ATAD5: variants seen among roughly 807,000 people sequenced by gnomAD.
The protein encoded by ATAD5 is ATPase family AAA domain containing 5.
In ATAD5, 58 loss-of-function variants were observed where a neutral mutation model predicts 176.9. The observed-to-expected ratio is 0.33, with a 90% CI of 0.27 to 0.41. ATAD5 has a LOEUF of 0.41. ATAD5 is among the 10% of genes least tolerant of loss of function. The probability of loss-of-function intolerance (pLI) is 1.00; values close to 1 mark genes in which losing one functional copy is unlikely to be tolerated. For missense variants in ATAD5, 1,789 were observed against 2,094.1 expected (o/e 0.85, Z 2.84); for synonymous variants, 640 against 712.6 (o/e 0.90, Z 1.62).
In ATAD5 at chr17:30,855,305, A is replaced by G. The variant is rs758023760; in HGVS notation, c.2613A>G (p.Val871=). The G allele has an allele frequency of 6.3e-7, 1 of 1,592,274 alleles. No homozygotes were observed. The highest frequency in any genetic ancestry group is 2.2e-5 in the East Asian group (1 of 44,636). ...NAVSTSFQRV[V]HVQQKDDGCC... is the part of the protein sequence containing the mutation. ...TGAGTACCAGTTTCCAGAGAGTCGTACATGTGCAACAAAAGGATGATGGTA... is the reference window on the plus strand; with the variant it reads ...TGAGTACCAGTTTCCAGAGAGTCGTGCATGTGCAACAAAAGGATGATGGTA... Residue 871 remains valine (V), a synonymous_variant, in exon 7 of 23, where the codon GTA becomes GTG. Transcript: ENST00000321990.
Position 30,835,588 on chromosome 17 carries a change from A to G in ATAD5, c.1507A>G (p.Lys503Glu). The change falls in exon 2 of 23, where the codon AAA becomes GAA. Residue 503 changes from lysine to glutamate, a missense_variant. Around this residue, in one of 6 missense-constraint regions of ATAD5, gnomAD observed 696 missense variants for 712.5 expected, o/e 0.98. Coordinates refer to ENST00000321990, the MANE Select transcript of ATAD5 (RefSeq NM_024857.5). The stretch of plus-strand genomic sequence containing the variant: ...AAACAGAGAGGGAAACACTCAAAAG[A>G]AAGAAACAACCTTTTTCTTAAAAGA... ...GKNREGNTQKKETTFFLKEKQ... is the reference protein window; with the variant it reads ...GKNREGNTQKEETTFFLKEKQ... 1 of 1,612,144 alleles carries G rather than the reference A, an allele frequency of 6.2e-7. No homozygotes were observed. Among genetic ancestry groups the G allele is most frequent in the Non-Finnish European group, 8.5e-7 (1 of 1,178,828 alleles).
intron 14 of ATAD5, among the ~76,000 whole-genome samples, chr17:30,870,311 T>C (rs1240893640): frequency 6.6e-6 from 1 of 152,074 alleles, no homozygotes; most frequent in Non-Finnish European, 1.5e-5. Context: ...ATTAATTTGT[T>C]GAAGAATCTG....
Position 30,895,213 on chromosome 17 carries a change from G to A in ATAD5, c.*300G>A, listed in dbSNP as rs1157533152. On this transcript the variant is annotated 3_prime_UTR_variant, in exon 23 of 23. Transcript: ENST00000321990. ...CATTAAGATGAACTCCCTATTTCAA[G>A]TGTTTATATTATATATTAGCTTAAT... 4.8e-6 allele frequency: 1 copy of A among 207,630 alleles called. No individual in the cohort carries two copies. The highest frequency in any genetic ancestry group is 9.5e-6 in the Non-Finnish European group (1 of 104,896). 12.9% of individuals were successfully genotyped at this position (207,630 alleles called of 1,614,324 possible).
intron 18 of ATAD5, 78 bp downstream of exon 18, chr17:30,879,565 ATT>A (rs762005937): frequency 2.7e-3 from 2,773 of 1,040,554 alleles, no homozygotes; most frequent in East Asian, 4.1e-3. Flanking sequence ...TACAGCTATA[ATT>A]TTTTTTTTTT....
At position 30,890,331 on chromosome 17, in the gene ATAD5, A is replaced by G. The variant is rs909057527; in HGVS notation, c.4259-2276A>G. On this transcript the variant is annotated intron_variant, in intron 19 of 22. Transcript: ENST00000321990. ...TAACAAATTAGTTAATAACTTTTTGATATACCACTAGATATAAATTGTTAC... is the reference window on the plus strand; with the variant it reads ...TAACAAATTAGTTAATAACTTTTTGGTATACCACTAGATATAAATTGTTAC... 5.9e-5 allele frequency among the ~76,000 whole-genome samples: 9 copies of G among 152,262 alleles called. 1 individual carries two copies. The highest frequency in any genetic ancestry group is 2.6e-4 in the Admixed American group (4 of 15,288).
intron 6 of ATAD5, among the ~76,000 whole-genome samples, chr17:30,847,326 A>G (rs1017797702): frequency 6.6e-6 from 1 of 151,080 alleles, no homozygotes; most frequent in Non-Finnish European, 1.5e-5. Flanking sequence ...CTATATATAT[A>G]TAGAGAGAGA....
At chr17:30,860,181 C>T (rs1041143390) in intron 9 of ATAD5, among the ~76,000 whole-genome samples, 42 of 151,968 alleles carry the variant, frequency 2.8e-4, no homozygotes, top group Admixed American at 2.8e-3. Context: ...ATGCCACCAC[C>T]CCTGGCTGAT....
In ATAD5 at chr17:30,835,805, C is replaced by T; in HGVS notation, c.1724C>T (p.Thr575Ile). The T allele has an allele frequency of 1.2e-6, 2 of 1,613,426 alleles. No individual in the cohort carries two copies. The highest frequency in any genetic ancestry group is 8.5e-7 in the Non-Finnish European group (1 of 1,179,790). The change falls in exon 2 of 23, where the codon ACA becomes ATA. Residue 575 changes from threonine to isoleucine, a missense_variant. Around this residue, in one of 6 missense-constraint regions of ATAD5, gnomAD observed 696 missense variants for 712.5 expected, o/e 0.98. Transcript: ENST00000321990. ...ATACCAGTTAAAGATATTAAGCTTA[C>T]ACAGTCTAAAGCTGAATCTGAAGCC... ...TSIPVKDIKL[T>I]QSKAESEASL... is the part of the protein sequence containing the mutation.
At position 30,855,293 on chromosome 17, in the gene ATAD5, C is replaced by T; in HGVS notation, c.2601C>T (p.Phe867=). Residue 867 remains phenylalanine, a synonymous_variant, in exon 7 of 23, where the codon TTC becomes TTT. Transcript: ENST00000321990. Reference sequence around the variant, plus strand: ...TGTACAATGCAGTGAGTACCAGTTTCCAGAGAGTCGTACATGTGCAACAAA... The same window carrying T: ...TGTACAATGCAGTGAGTACCAGTTTTCAGAGAGTCGTACATGTGCAACAAA... The part of the protein sequence containing the change: ...LDVYNAVSTS[F]QRVVHVQQKD... 6.2e-7 allele frequency: 1 copy of T among 1,606,888 alleles called. No individual in the cohort carries two copies.
intron 17 of ATAD5, among the ~76,000 whole-genome samples, chr17:30,878,716 G>GTTTTT (rs1567696442): frequency 2.4e-5 from 2 of 82,654 alleles, no homozygotes; most frequent in Non-Finnish European, 4.9e-5. Context: ...AAGTTAGGTG[G>GTTTTT]TGTTTTTTTT....
intron 18 of ATAD5, among the ~76,000 whole-genome samples, chr17:30,885,623 C>CTTTTTTTTTTTTTTTTTTTTT (rs778733612): frequency 1.1e-5 from 1 of 93,812 alleles, no homozygotes; most frequent in African/African-American, 4.0e-5. Context: ...TTCCAACTTT[C>CTTTTTTTTTTTTTTTTTTTTT]TTTTTTTTTT....
intron 4 of ATAD5, among the ~76,000 whole-genome samples, chr17:30,841,610 A>G (rs894444040): frequency 6.6e-6 from 1 of 152,184 alleles, no homozygotes; most frequent in African/African-American, 2.4e-5. Flanking sequence ...CCCCAAAAAT[A>G]GACTCTTTTC....
rs1033774082 is a variant in ATAD5 at position 30,893,600 on chromosome 17, T to C, written c.4747T>C (p.Leu1583=). 1 of 1,613,952 alleles carries C rather than the reference T, an allele frequency of 6.2e-7. No individual in the cohort carries two copies. The highest frequency in any genetic ancestry group is 1.1e-5 in the South Asian group (1 of 91,066). Residue 1583 remains leucine (L), a synonymous_variant, in exon 21 of 23, where the codon TTG becomes CTG. Transcript: ENST00000321990. ...LDDSDLFDTD[L]DFPDQSISLS... ...TGATAGTGATCTATTTGACACTGACTTGGACTTTCCTGATCAATCTATTAG... is the reference window on the plus strand; with the variant it reads ...TGATAGTGATCTATTTGACACTGACCTGGACTTTCCTGATCAATCTATTAG...
intron 6 of ATAD5, among the ~76,000 whole-genome samples, chr17:30,847,220 C>T (rs1906561800): frequency 6.6e-6 from 1 of 152,070 alleles, no homozygotes; most frequent in Non-Finnish European, 1.5e-5. Flanking sequence ...TGAAATCCTG[C>T]AGTAGGTATA....
At chr17:30,838,616 C>T (rs1905898992) in intron 3 of ATAD5, among the ~76,000 whole-genome samples, 2 of 152,164 alleles carry the variant, frequency 1.3e-5, no homozygotes, top group Non-Finnish European at 2.9e-5. Flanking sequence ...GATTGTACTA[C>T]AGCTAAAGGT....
chr17:30,864,918 ATTTTTGCTTTT>A (rs1250912133), intron 10 of ATAD5: 1 of 141,494 alleles, frequency 7.1e-6, no homozygotes, highest in Admixed American at 7.0e-5. Flanking sequence ...GGTTGATTCC[ATTTTTGCTTTT>A]TTTTTTTTTG....
At chr17:30,862,633 G>C (rs931562650) in intron 10 of ATAD5, 1 of 152,060 alleles carries the variant, frequency 6.6e-6, no homozygotes, top group African/African-American at 2.4e-5. Context: ...TAGAGACTGG[G>C]TTTCTCCATG....
In ATAD5 at chr17:30,835,614, G is replaced by A. The variant is rs982398109; in HGVS notation, c.1533G>A (p.Glu511=). 1 of 1,610,420 alleles carries A rather than the reference G, an allele frequency of 6.2e-7. No individual in the cohort carries two copies. Among genetic ancestry groups the A allele is most frequent in the Non-Finnish European group, 8.5e-7 (1 of 1,178,642 alleles). Residue 511 remains glutamate (E), a synonymous_variant, in exon 2 of 23, where the codon GAG becomes GAA. Coordinates refer to ENST00000321990, the MANE Select transcript of ATAD5 (RefSeq NM_024857.5). ...QKKETTFFLK[E]KQYQNRMSLR... ...AAGAAACAACCTTTTTCTTAAAAGA[G>A]AAACAATATCAAAATAGAATGAGTT...
At chr17:30,884,994 G>A (rs986963438) in intron 18 of ATAD5, among the ~76,000 whole-genome samples, 18 of 152,032 alleles carry the variant, frequency 1.2e-4, no homozygotes, top group Non-Finnish European at 1.0e-4. Flanking sequence ...TGATCCACCC[G>A]CCTTTGCCTC....
Sources: allele counts gnomAD v4.1 joint callset (sites outside exome capture counted in the v4.1 genomes callset), GRCh38; gene constraint gnomAD v4.1.1; regional missense constraint gnomAD v4.1.1; transcripts MANE v1.5; gene names NCBI Gene and HGNC (gene_info 2026-07-23, HGNC 2026-07-21).